CLNK: variants seen among roughly 807,000 people sequenced by gnomAD.
The protein encoded by CLNK is cytokine dependent hematopoietic cell linker, also known as cytokine-dependent hematopoietic cell linker.
In CLNK, 74 loss-of-function variants were observed where a neutral mutation model predicts 68.6. The observed-to-expected ratio is 1.08, with a 90% confidence interval of 0.89 to 1.31. The LOEUF is 1.31. Ranked by LOEUF, CLNK falls within the 50% of genes most tolerant of loss-of-function variation. The pLI, the probability that CLNK is intolerant of heterozygous loss-of-function variation, is 0.00. For synonymous variants in CLNK, 198 were observed against 172.2 expected (o/e 1.15, Z -1.17); for missense variants, 553 against 515.3 (o/e 1.07, Z -0.71).
intron 11 of CLNK, among the ~76,000 whole-genome samples, chr4:10,535,693 T>A (rs1169750219): frequency 2.0e-5 from 3 of 152,226 alleles, no homozygotes; most frequent in Admixed American, 6.5e-5. Context: ...TTAGTAGATA[T>A]GAAACACTGT....
chr4:10,552,901 G>T (rs1577124957), intron 8 of CLNK, among the ~76,000 whole-genome samples: 1 of 152,180 alleles, frequency 6.6e-6, no homozygotes, highest in East Asian at 1.9e-4. Flanking sequence ...TTCCATACAA[G>T]CAGCTTTTAC....
At position 10,592,377 on chromosome 4, in the gene CLNK, G is replaced by A. The variant is rs368427754; in HGVS notation, c.83+5601C>T. On this transcript the variant is annotated intron_variant, in intron 3 of 18. Coordinates refer to ENST00000226951, the MANE Select transcript of CLNK (RefSeq NM_052964.4). ...AGTAGAGTAGCAGGATGATTTGCCA[G>A]ACATGTTTTAGCTCAGACATTCCTC... is the stretch of plus-strand genomic sequence containing the variant. Among the ~76,000 whole-genome samples the A allele has an allele frequency of 3.6e-4, 55 of 152,240 alleles. No individual in the cohort carries two copies. In the South Asian group the frequency reaches 0.011, roughly 31 times the overall value.
At chr4:10,581,844 G>T (rs1007923001) in intron 4 of CLNK, among the ~76,000 whole-genome samples, 1 of 152,096 alleles carries the variant, frequency 6.6e-6, no homozygotes, top group Non-Finnish European at 1.5e-5. Flanking sequence ...ATAGAGAACA[G>T]CTTCTTGGTG....
At chr4:10,495,448 CTT>C (rs1716763964) in intron 18 of CLNK, among the ~76,000 whole-genome samples, 1 of 152,160 alleles carries the variant, frequency 6.6e-6, no homozygotes, top group Admixed American at 6.5e-5. Flanking sequence ...ATGGCAGGGA[CTT>C]GACATGACTC....
chr4:10,708,115 C>A, the CLNK span, among the ~76,000 whole-genome samples: 10 of 152,238 alleles, frequency 6.6e-5, no homozygotes, highest in Admixed American at 1.3e-4. Context: ...GAGGAAGTGG[C>A]AGGAGGAAGT....
chr4:10,640,147 A>G (rs1253806020), intron 2 of CLNK, among the ~76,000 whole-genome samples: 1 of 152,054 alleles, frequency 6.6e-6, no homozygotes, highest in Non-Finnish European at 1.5e-5. Context: ...GGAGGAGGAC[A>G]ATGGACTAAC....
chr4:10,632,629 C>T lies in CLNK; in HGVS notation c.12-34580G>A, dbSNP rs28463278. ...GACATTCACTTCAGCTCATCTCTTG[C>T]TAAATGCCATTGGTGCACATTGCCC... On this transcript the variant is annotated intron_variant, in intron 2 of 18. Transcript: ENST00000226951. Among the ~76,000 whole-genome samples the T allele has an allele frequency of 7.7e-3, 1,168 of 152,304 alleles. 10 individuals carry two copies. The highest frequency in any genetic ancestry group is 0.051 in the Middle Eastern group (15 of 294).
chr4:10,680,240 C>T (rs919314771), intron 1 of CLNK, among the ~76,000 whole-genome samples: 21 of 151,722 alleles, frequency 1.4e-4, no homozygotes, highest in African/African-American at 3.6e-4. Flanking sequence ...AGCTGGAAAC[C>T]ATCATTCTCA....
At chr4:10,687,210 A>G (rs115431910), upstream of CLNK, among the ~76,000 whole-genome samples, 488 of 152,074 alleles carry the variant, frequency 3.2e-3, 6 homozygotes, top group African/African-American at 0.011. Context: ...AGGTGAAAAA[A>G]AAAAAAAACT....
chr4:10,508,761 A>C (rs867510032), intron 16 of CLNK, among the ~76,000 whole-genome samples: 13 of 152,212 alleles, frequency 8.5e-5, no homozygotes, highest in South Asian at 2.1e-4. Context: ...TCTTTGAAGT[A>C]GGCATGTCAT....
chr4:10,717,466 C>G, the CLNK span, among the ~76,000 whole-genome samples: 2 of 152,172 alleles, frequency 1.3e-5, no homozygotes, highest in Non-Finnish European at 1.5e-5. Flanking sequence ...TGTGGTTATG[C>G]ACGCCTGTAA....
At chr4:10,601,990 T>A (rs543732327) in intron 2 of CLNK, among the ~76,000 whole-genome samples, 10 of 152,204 alleles carry the variant, frequency 6.6e-5, no homozygotes, top group Non-Finnish European at 1.5e-4. Flanking sequence ...CAAATAATTG[T>A]TCTTGCAATC....
Position 10,513,576 on chromosome 4 carries a change from G to T in CLNK, c.794C>A (p.Pro265His), listed in dbSNP as rs761422989. 3 of 1,604,140 alleles carry T rather than the reference G, an allele frequency of 1.9e-6. No homozygotes were observed. In the East Asian group the frequency reaches 6.7e-5, roughly 36 times the overall value. ...QNRDHRGGMQ[P>H]CSPQRCQPPA... is the part of the protein sequence containing the mutation. The stretch of plus-strand genomic sequence containing the variant: ...AGGCTGGCATCTCTGAGGAGAACAG[G>T]GCTGCATGCCTCCTCTATGATCTGG... Residue 265 changes from proline (P) to histidine (H), a missense_variant, in exon 16 of 19, where the codon CCC becomes CAC. Transcript: ENST00000226951.
chr4:10,592,884 C>T (rs1721229234), intron 3 of CLNK, among the ~76,000 whole-genome samples: 1 of 151,694 alleles, frequency 6.6e-6, no homozygotes, highest in African/African-American at 2.4e-5. Flanking sequence ...CACTACCATG[C>T]CTGGCTAATT....
chr4:10,586,108 AC>A (rs1419732328), intron 3 of CLNK, among the ~76,000 whole-genome samples: 4 of 152,046 alleles, frequency 2.6e-5, no homozygotes, highest in Non-Finnish European at 5.9e-5. Flanking sequence ...CCGACAGGAG[AC>A]AAAGCTTAGG....
the CLNK span, among the ~76,000 whole-genome samples, chr4:10,706,701 T>C: frequency 1.3e-5 from 2 of 152,208 alleles, no homozygotes; most frequent in South Asian, 4.1e-4. Flanking sequence ...AGGAGAATTC[T>C]GTGGTCTCCT....
intron 8 of CLNK, among the ~76,000 whole-genome samples, chr4:10,542,534 C>T (rs1294793502): frequency 1.3e-5 from 2 of 152,026 alleles, no homozygotes; most frequent in Non-Finnish European, 2.9e-5. Context: ...CCTACACTCA[C>T]CCAGCGAGTA....
intron 14 of CLNK, among the ~76,000 whole-genome samples, chr4:10,522,893 A>C (rs1448690820): frequency 6.6e-6 from 1 of 152,228 alleles, no homozygotes; most frequent in Non-Finnish European, 1.5e-5. Context: ...CCCCTGAAGC[A>C]TGAATAGGAG....
chr4:10,667,167 A>G (rs4323097), intron 2 of CLNK, among the ~76,000 whole-genome samples: 125,414 of 152,066 alleles, frequency 0.82, 51,943 homozygotes, highest in Admixed American at 0.87. Flanking sequence ...GGTCTGGCCT[A>G]CCTAACTCTG....
Sources: allele counts gnomAD v4.1 joint callset (sites outside exome capture counted in the v4.1 genomes callset), GRCh38; gene constraint gnomAD v4.1.1; transcripts MANE v1.5; gene names NCBI Gene and HGNC (gene_info 2026-07-23, HGNC 2026-07-21).